CALR3: variants seen among roughly 807,000 people sequenced by gnomAD.
CALR3 encodes calreticulin-3.
Under a neutral mutation model 48.7 loss-of-function variants are expected in CALR3, and 39 were observed. The observed-to-expected ratio is 0.80, with a 90% confidence interval of 0.62 to 1.05. The LOEUF (loss-of-function observed/expected upper bound fraction) is 1.05, where lower values mean the gene tolerates loss of function less well. Ranked by LOEUF, CALR3 falls within the 50% of genes least tolerant of loss-of-function variation. The pLI is 0.00. For synonymous variants in CALR3, 185 were observed against 172.7 expected (o/e 1.07, Z -0.56); for missense variants, 449 against 474.7 (o/e 0.95, Z 0.50).
chr19:16,490,145 A>G (rs1372396127), intron 3 of CALR3, among the ~76,000 whole-genome samples: 1 of 152,170 alleles, frequency 6.6e-6, no homozygotes, highest in Non-Finnish European at 1.5e-5. Flanking sequence ...TGAATAAATA[A>G]CTTCTTCAGG....
intron 7 of CALR3, 65 bp from the exon 8 acceptor site, chr19:16,480,771 T>G: frequency 8.1e-7 from 1 of 1,233,794 alleles, no homozygotes; most frequent in South Asian, 1.3e-5. Flanking sequence ...TATTTTTCAT[T>G]TCTTTTTTCC....
Position 16,479,228 on chromosome 19 carries a change from T to C in CALR3, c.1058A>G (p.Lys353Arg), listed in dbSNP as rs1389735275. The C allele has an allele frequency of 1.9e-6, 3 of 1,614,112 alleles. No individual in the cohort carries two copies. The highest frequency in any genetic ancestry group is 3.3e-5 in the Admixed American group (2 of 59,992). Residue 353 changes from lysine to arginine, a missense_variant, in exon 9 of 9, where the codon AAG becomes AGG. Physicochemically the swap from Lys to Arg is conservative, Grantham distance 26 (BLOSUM62 2). Transcript: ENST00000269881. Reference protein sequence around the residue: ...MDAIQAKEEMKKAREEEEEEL... With the variant: ...MDAIQAKEEMRKAREEEEEEL... ...TTCCTCCTCTTCCTCGCGGGCCTTC[T>C]TCATTTCCTCCTTGGCCTGTATGGC...
chr19:16,484,625 C>G (rs1457374239), intron 4 of CALR3, among the ~76,000 whole-genome samples: 2 of 152,104 alleles, frequency 1.3e-5, no homozygotes, highest in Non-Finnish European at 2.9e-5. Context: ...TCAAGTGACC[C>G]TCCCACCTCA....
At chr19:16,484,898 T>C (rs1452700046) in intron 4 of CALR3, among the ~76,000 whole-genome samples, 2 of 152,188 alleles carry the variant, frequency 1.3e-5, no homozygotes, top group African/African-American at 4.8e-5. Flanking sequence ...ACTGTACTAT[T>C]GTAACCCTCA....
chr19:16,485,500 A>G (rs1315982365), intron 3 of CALR3, among the ~76,000 whole-genome samples: 1 of 151,850 alleles, frequency 6.6e-6, no homozygotes, highest in Non-Finnish European at 1.5e-5. Context: ...TTGTATTTTT[A>G]GTAGAGATGG....
intron 3 of CALR3, among the ~76,000 whole-genome samples, chr19:16,489,785 A>G (rs1377426214): frequency 6.6e-6 from 1 of 152,130 alleles, no homozygotes; most frequent in East Asian, 1.9e-4. Flanking sequence ...ATTGCACTCC[A>G]GCCTGGTTCA....
At chr19:16,495,723 C>T (rs762883322) in intron 2 of CALR3, 28 bp downstream of exon 2, 1 of 1,549,332 alleles carries the variant, frequency 6.5e-7, no homozygotes. Flanking sequence ...TAACATTAGG[C>T]TCAATTTGGT....
In CALR3 at chr19:16,480,705, A is replaced by T; in HGVS notation, c.920T>A (p.Val307Glu). The change falls in exon 8 of 9, where the codon GTG becomes GAG. Residue 307 changes from valine (V) to glutamate (E), a missense_variant and splice_region_variant. Physicochemically the swap from Val to Glu is moderately radical, Grantham distance 121. Coordinates refer to ENST00000269881, the MANE Select transcript of CALR3 (RefSeq NM_145046.5). ...GTTATCAAAAATGGTTCCAGATCTC[A>T]CCTGCAGATGAAAATAAGGCCTTCA... is the stretch of plus-strand genomic sequence containing the variant. ...IGAIGLELWQ[V>E]RSGTIFDNFL... 4 of 1,601,804 alleles carry T rather than the reference A, an allele frequency of 2.5e-6. No homozygotes were observed. The highest frequency in any genetic ancestry group is 3.4e-6 in the Non-Finnish European group (4 of 1,168,918).
intron 5 of CALR3, among the ~76,000 whole-genome samples, chr19:16,483,162 A>ATTATT (rs1236285816): frequency 6.6e-6 from 1 of 152,044 alleles, no homozygotes; most frequent in Non-Finnish European, 1.5e-5. Flanking sequence ...CAGATTTGAG[A>ATTATT]AAGGAAATTA....
At chr19:16,480,816 AT>A in intron 7 of CALR3, 110 bp from the exon 8 acceptor site, 1 of 890,068 alleles carries the variant, frequency 1.1e-6, no homozygotes, top group Non-Finnish European at 1.8e-6. Flanking sequence ...GACATTTTTT[AT>A]TTTTTAGAGA....
At chr19:16,492,856 C>T (rs1465173247) in intron 2 of CALR3, among the ~76,000 whole-genome samples, 3 of 105,842 alleles carry the variant, frequency 2.8e-5, no homozygotes, top group South Asian at 3.7e-4. Context: ...AGCGAGACTC[C>T]GTCTCAAAAA....
chr19:16,490,672 C>T lies in CALR3; in HGVS notation c.194-102G>A, dbSNP rs867465895. The T allele has an allele frequency of 9.5e-6, 10 of 1,047,220 alleles. No homozygotes were observed. The Middle Eastern group carries it at 8.2e-4, about 86-fold the overall frequency. The allele number at this position is 1,047,220 out of a possible 1,614,324, so 64.9% of individuals were successfully genotyped here. A position where few individuals can be genotyped will look rare whatever the true frequency, so the allele number is the denominator to read the frequency against. On this transcript the variant is annotated intron_variant, in intron 2 of 8. Transcript: ENST00000269881. ...TCCCTTACTCCCAAACATAAATGTC[C>T]TAACCATTTACAGTGATCTACAGTG...
intron 7 of CALR3, among the ~76,000 whole-genome samples, chr19:16,481,502 G>T (rs2122126198): frequency 8.4e-6 from 1 of 118,658 alleles, no homozygotes. Flanking sequence ...GAGATGAAGT[G>T]AAGTCTCACT....
At chr19:16,479,779 AAAC>A (rs2093377661) in intron 8 of CALR3, among the ~76,000 whole-genome samples, 1 of 151,768 alleles carries the variant, frequency 6.6e-6, no homozygotes, top group Non-Finnish European at 1.5e-5. Flanking sequence ...AAACAAAACA[AAAC>A]AAAAAAAGCC....
chr19:16,490,631 G>T, intron 2 of CALR3, 61 bp from the exon 3 acceptor site: 1 of 1,430,228 alleles, frequency 7.0e-7, no homozygotes, highest in Non-Finnish European at 9.9e-7. Context: ...AACGCAGGAA[G>T]TTAAATCGAT....
Position 16,495,732 on chromosome 19 carries a change from G to A in CALR3, c.193+19C>T, listed in dbSNP as rs2093406801. The A allele has an allele frequency of 6.3e-7, 1 of 1,583,212 alleles. No individual in the cohort carries two copies. The highest frequency in any genetic ancestry group is 1.1e-5 in the South Asian group (1 of 90,444). On this transcript the variant is annotated intron_variant, in intron 2 of 8. Transcript: ENST00000269881. ...GAAATGTAACATTAGGCTCAATTTG[G>A]TCCTGATTCTACACTAACCTTTATC...
chr19:16,486,551 C>T (rs1355617053), intron 3 of CALR3, among the ~76,000 whole-genome samples: 1 of 136,330 alleles, frequency 7.3e-6, no homozygotes, highest in South Asian at 2.4e-4. Context: ...ACCTGGGAGG[C>T]GGAGGTTGCA....
rs766865639 is a variant in CALR3, at chr19:16,479,300, G to A, written c.1012-26C>T. On this transcript the variant is annotated intron_variant, in intron 8 of 8. Coordinates refer to ENST00000269881, the MANE Select transcript of CALR3 (RefSeq NM_145046.5). Reference sequence around the variant, plus strand: ...CTGGAGAAAGAAAGAAAAAACATAAGCCCCACCGGGTGCGATGGCTCGTGC... The same window carrying A: ...CTGGAGAAAGAAAGAAAAAACATAAACCCCACCGGGTGCGATGGCTCGTGC... 9 of 1,613,156 alleles carry A rather than the reference G, an allele frequency of 5.6e-6. No homozygotes were observed. The Admixed American group carries it at 6.7e-5, about 12-fold the overall frequency.
At chr19:16,485,929 A>G (rs1316197706) in intron 3 of CALR3, among the ~76,000 whole-genome samples, 1 of 152,038 alleles carries the variant, frequency 6.6e-6, no homozygotes, top group Non-Finnish European at 1.5e-5. Context: ...AAGTGCTGAG[A>G]TTATAGGTGT....
Sources: allele counts gnomAD v4.1 joint callset (sites outside exome capture counted in the v4.1 genomes callset), GRCh38; gene constraint gnomAD v4.1.1; transcripts MANE v1.5; gene names NCBI Gene and HGNC (gene_info 2026-07-23, HGNC 2026-07-21).